DIAPH2: variants seen among roughly 807,000 people sequenced by gnomAD.
DIAPH2 encodes the protein protein diaphanous homolog 2.
A neutral mutation model predicts 92.7 loss-of-function variants in DIAPH2; 35 were observed. The ratio of observed to expected loss-of-function variants is 0.38; its 90% CI spans 0.29 to 0.50. The LOEUF is 0.50. Ranked by LOEUF, DIAPH2 falls within the 20% of genes least tolerant of loss-of-function variation. The pLI, the probability that DIAPH2 is intolerant of heterozygous loss-of-function variation, is 0.94. For missense variants in DIAPH2, 701 were observed against 819.5 expected (o/e 0.86, Z 1.77); for synonymous variants, 301 against 280.4 (o/e 1.07, Z -0.73).
rs1044244784 is a variant in DIAPH2, at chrX:96,699,173, C to A, written c.132+13983C>A. On this transcript the variant is annotated intron_variant, in intron 1 of 26. Transcript: ENST00000324765. ...ATAACTGGGAAAGCTGATAATTAAG[C>A]AGACTAAGAATCTTAGTAAATTTTT... is the stretch of plus-strand genomic sequence containing the variant. Among the ~76,000 whole-genome samples, 5 of 112,072 alleles carry A rather than the reference C, an allele frequency of 4.5e-5. 1 individual carries two copies. Among genetic ancestry groups the A allele is most frequent in the African/African-American group, 1.6e-4 (5 of 30,861 alleles).
chrX:96,810,713 A>G (rs913928902), intron 4 of DIAPH2, among the ~76,000 whole-genome samples: 1 of 111,623 alleles, frequency 9.0e-6, no homozygotes, highest in African/African-American at 3.3e-5. Context: ...TAAGGGGGGA[A>G]TCCAGTTTCA....
At chrX:97,208,157 T>C (rs2067812858) in intron 22 of DIAPH2, among the ~76,000 whole-genome samples, 1 of 111,772 alleles carries the variant, frequency 8.9e-6, no homozygotes, top group Non-Finnish European at 1.9e-5. Context: ...GAAAGAAAAG[T>C]GAATCAGCAT....
intron 5 of DIAPH2, chrX:96,884,677 G>T: frequency 8.3e-7 from 1 of 1,211,079 alleles, no homozygotes; most frequent in Non-Finnish European, 1.1e-6. Context: ...GTCAGTCGGA[G>T]TATATGTCAA....
At chrX:96,854,571 T>TA (rs1162448468) in intron 4 of DIAPH2, among the ~76,000 whole-genome samples, 1 of 86,394 alleles carries the variant, frequency 1.2e-5, no homozygotes, top group African/African-American at 4.2e-5. Flanking sequence ...TGTATATATA[T>TA]AAAAAACCAA....
chrX:97,575,706 T>G (rs5921853), intron 26 of DIAPH2, among the ~76,000 whole-genome samples: 1 of 111,722 alleles, frequency 9.0e-6, no homozygotes, highest in African/African-American at 3.3e-5. Flanking sequence ...GAGAAGGTGA[T>G]TGAAGCTGTA....
At chrX:97,336,326 G>C (rs1259064312) in intron 23 of DIAPH2, among the ~76,000 whole-genome samples, 6 of 102,463 alleles carry the variant, frequency 5.9e-5, no homozygotes, top group African/African-American at 2.2e-4. Flanking sequence ...CTCACTGTAA[G>C]CTCCGCCTCC....
intron 24 of DIAPH2, among the ~76,000 whole-genome samples, chrX:97,364,258 T>C (rs769913865): frequency 9.0e-6 from 1 of 111,552 alleles, no homozygotes; most frequent in Non-Finnish European, 1.9e-5. Context: ...TGTCATAATA[T>C]AGCTTTGTCA....
chrX:96,733,422 G>A (rs2064067914), intron 1 of DIAPH2, among the ~76,000 whole-genome samples: 1 of 111,138 alleles, frequency 9.0e-6, no homozygotes, highest in African/African-American at 3.3e-5. Flanking sequence ...GTGGCTTATT[G>A]CCTCATTGGG....
intron 4 of DIAPH2, among the ~76,000 whole-genome samples, chrX:96,844,100 AT>A (rs1380532703): frequency 8.9e-6 from 1 of 112,349 alleles, no homozygotes; most frequent in Non-Finnish European, 1.9e-5. Context: ...GCATCCAAAT[AT>A]ACATTTTTCT....
rs764756321 is a variant in DIAPH2, at chrX:97,255,256, G to GA, written c.2844+7425dup. ...TTCCTTTTCAATCTCTCTCAAATGG[G>GA]AAAAAAAATGTTCTTTTTGAAAGGA... On this transcript the variant is annotated intron_variant, in intron 23 of 26. Transcript: ENST00000324765. Among the ~76,000 whole-genome samples the GA allele has an allele frequency of 8.4e-4, 93 of 110,920 alleles. 1 individual carries two copies. Among genetic ancestry groups the GA allele is most frequent in the Non-Finnish European group, 1.7e-3 (89 of 52,896 alleles).
At chrX:97,125,423 G>A (rs1236017211) in intron 21 of DIAPH2, among the ~76,000 whole-genome samples, 1 of 84,573 alleles carries the variant, frequency 1.2e-5, no homozygotes, top group Non-Finnish European at 2.1e-5. Context: ...AGTGAGCCAA[G>A]ATCATGCCAC....
chrX:97,524,781 C>T (rs1461921479), intron 26 of DIAPH2, among the ~76,000 whole-genome samples: 2 of 111,869 alleles, frequency 1.8e-5, no homozygotes, highest in Non-Finnish European at 1.9e-5. Context: ...CTTTTGTTCA[C>T]CAAGGTTCAA....
At chrX:97,196,595 A>C (rs774190548) in intron 22 of DIAPH2, among the ~76,000 whole-genome samples, 10 of 111,492 alleles carry the variant, frequency 9.0e-5, no homozygotes, top group Non-Finnish European at 1.9e-4. Flanking sequence ...GTTAAAGAAA[A>C]AAAGGGAAAA....
intron 3 of DIAPH2, among the ~76,000 whole-genome samples, chrX:96,756,911 C>CTTTTT (rs1172916942): frequency 9.4e-4 from 55 of 58,787 alleles, no homozygotes; most frequent in Middle Eastern, 0.02. Flanking sequence ...ATTTATATAT[C>CTTTTT]TTTTTTTTTT....
At chrX:96,755,424 TG>T (rs1298505442) in intron 3 of DIAPH2, among the ~76,000 whole-genome samples, 2 of 110,980 alleles carry the variant, frequency 1.8e-5, no homozygotes, top group Non-Finnish European at 3.8e-5. Context: ...GAGGTCGAGG[TG>T]GGTGGATCAT....
At chrX:97,373,008 C>T (rs1347158770) in intron 24 of DIAPH2, among the ~76,000 whole-genome samples, 1 of 110,686 alleles carries the variant, frequency 9.0e-6, no homozygotes, top group African/African-American at 3.3e-5. Flanking sequence ...AGCCGTGTAA[C>T]ACTGTTTGTG....
At chrX:97,313,212 C>A (rs774164850) in intron 23 of DIAPH2, among the ~76,000 whole-genome samples, 2 of 110,636 alleles carry the variant, frequency 1.8e-5, no homozygotes, top group Non-Finnish European at 3.8e-5. Flanking sequence ...TAAATTCAGG[C>A]AGCTTTTTTG....
At chrX:96,850,433 C>T (rs1189715555) in intron 4 of DIAPH2, among the ~76,000 whole-genome samples, 1 of 111,751 alleles carries the variant, frequency 8.9e-6, no homozygotes, top group East Asian at 2.8e-4. Flanking sequence ...TTATAGAGAC[C>T]TAAACTGAGG....
chrX:96,871,469 C>CAAA (rs34852539), intron 4 of DIAPH2, among the ~76,000 whole-genome samples: 4,032 of 28,557 alleles, frequency 0.14, 542 homozygotes, highest in East Asian at 0.39. Flanking sequence ...GACTCCGTCT[C>CAAA]AAAAAAAAAA....
Sources: allele counts gnomAD v4.1 joint callset (sites outside exome capture counted in the v4.1 genomes callset), GRCh38; gene constraint gnomAD v4.1.1; transcripts MANE v1.5; gene names NCBI Gene and HGNC (gene_info 2026-07-23, HGNC 2026-07-21).